CALN1: variants seen among roughly 807,000 people sequenced by gnomAD.
CALN1 encodes calneuron 1.
A neutral mutation model predicts 30.6 loss-of-function variants in CALN1; 17 were observed. The ratio of observed to expected loss-of-function variants is 0.56; its 90% CI spans 0.38 to 0.83. CALN1 has a LOEUF of 0.83. CALN1 is among the 40% of genes least tolerant of loss of function. CALN1 has a pLI of 0.00. For missense variants in CALN1, 291 were observed against 354.9 expected, an observed-to-expected ratio of 0.82 and a Z score of 1.45; for synonymous variants, 156 against 131.4, an observed-to-expected ratio of 1.19 and a Z score of -1.28.
intron 5 of CALN1, among the ~76,000 whole-genome samples, chr7:71,827,780 AAAT>A (rs761842233): frequency 5.5e-3 from 491 of 88,526 alleles, no homozygotes; most frequent in Middle Eastern, 0.015. Flanking sequence ...TTAAAAAAAT[AAAT>A]AAATAAATAA....
intron 5 of CALN1, among the ~76,000 whole-genome samples, chr7:71,883,746 C>G (rs930013858): frequency 3.9e-5 from 6 of 152,142 alleles, no homozygotes; most frequent in Non-Finnish European, 7.3e-5. Flanking sequence ...TTACCTTACC[C>G]ATCCCTTCTG....
intron 5 of CALN1, among the ~76,000 whole-genome samples, chr7:71,848,535 T>C (rs1031589153): frequency 2.6e-5 from 4 of 152,190 alleles, no homozygotes; most frequent in African/African-American, 9.6e-5. Flanking sequence ...GAGGGATACT[T>C]TGTAAACATA....
At chr7:72,292,198 CAACA>C (rs749209998) in intron 2 of CALN1, among the ~76,000 whole-genome samples, 5 of 151,848 alleles carry the variant, frequency 3.3e-5, no homozygotes, top group Non-Finnish European at 5.9e-5. Context: ...GTGGCTTAAA[CAACA>C]AACATTTATT....
intron 5 of CALN1, among the ~76,000 whole-genome samples, chr7:71,977,045 G>A (rs1798135146): frequency 6.6e-6 from 1 of 152,122 alleles, no homozygotes; most frequent in Non-Finnish European, 1.5e-5. Flanking sequence ...AGACGAATTT[G>A]ATCTTGACAC....
intron 5 of CALN1, among the ~76,000 whole-genome samples, chr7:71,957,043 G>A (rs564700465): frequency 1.4e-4 from 22 of 151,882 alleles, no homozygotes; most frequent in African/African-American, 4.8e-4. Flanking sequence ...CTCCCTTCAC[G>A]GGAGCTTTAT....
chr7:72,194,415 A>G (rs1215587073), intron 3 of CALN1, among the ~76,000 whole-genome samples: 2 of 152,036 alleles, frequency 1.3e-5, no homozygotes, highest in Non-Finnish European at 2.9e-5. Context: ...GTGTAATCCC[A>G]GCTACTCGGG....
intron 2 of CALN1, among the ~76,000 whole-genome samples, chr7:72,319,720 A>T (rs1385292771): frequency 6.6e-6 from 1 of 152,224 alleles, no homozygotes; most frequent in African/African-American, 2.4e-5. Flanking sequence ...AATTTTTAAA[A>T]GAACAGAGGT....
intron 5 of CALN1, among the ~76,000 whole-genome samples, chr7:71,898,911 G>A (rs1426969019): frequency 6.6e-6 from 1 of 152,082 alleles, no homozygotes; most frequent in Admixed American, 6.5e-5. Context: ...ATTTATTCCA[G>A]AAATAAGGGG....
chr7:72,279,271 T>C (rs1678553401), intron 2 of CALN1, among the ~76,000 whole-genome samples: 1 of 152,186 alleles, frequency 6.6e-6, no homozygotes, highest in East Asian at 1.9e-4. Context: ...TTCTCCCAGA[T>C]AATATAGGCA....
At chr7:71,794,179 G>A (rs1198045480) in intron 6 of CALN1, among the ~76,000 whole-genome samples, 1 of 152,168 alleles carries the variant, frequency 6.6e-6, no homozygotes. Context: ...AAATGGCAGA[G>A]GTGGGATTTG....
chr7:72,115,620 C>A (rs574208609), intron 3 of CALN1, among the ~76,000 whole-genome samples: 1 of 149,910 alleles, frequency 6.7e-6, no homozygotes, highest in Non-Finnish European at 1.5e-5. Context: ...TCCTAAGTAG[C>A]TGGGATCACA....
chr7:71,992,271 C>T (rs1798994562), intron 5 of CALN1, among the ~76,000 whole-genome samples: 1 of 152,224 alleles, frequency 6.6e-6, no homozygotes, highest in Non-Finnish European at 1.5e-5. Flanking sequence ...TGCTGCAGCT[C>T]ATAAACTAGC....
chr7:71,947,064 G>A (rs1468986334), intron 5 of CALN1, among the ~76,000 whole-genome samples: 1 of 152,140 alleles, frequency 6.6e-6, no homozygotes, highest in African/African-American at 2.4e-5. Flanking sequence ...AGGCTGGAGT[G>A]AAGTGGCGTG....
chr7:72,130,291 G>C (rs1809046620), intron 3 of CALN1, among the ~76,000 whole-genome samples: 1 of 152,206 alleles, frequency 6.6e-6, no homozygotes, highest in African/African-American at 2.4e-5. Flanking sequence ...ACTAAGAGCT[G>C]TTAAAAGAGT....
chr7:72,446,220 G>T (rs986862695), intron 1 of CALN1, among the ~76,000 whole-genome samples: 3 of 152,194 alleles, frequency 2.0e-5, no homozygotes, highest in African/African-American at 7.2e-5. Context: ...TCACCCAGAA[G>T]TCACCCCGTG....
the CALN1 span, among the ~76,000 whole-genome samples, chr7:72,494,987 A>G: frequency 1.2e-4 from 6 of 49,882 alleles, no homozygotes; most frequent in Admixed American, 3.8e-4. Context: ...GTAAGCTGCA[A>G]CGCCTGCATG....
At chr7:72,234,912 C>G (rs927310424) in intron 3 of CALN1, among the ~76,000 whole-genome samples, 1 of 152,242 alleles carries the variant, frequency 6.6e-6, no homozygotes, top group African/African-American at 2.4e-5. Context: ...CTTCTAGTTG[C>G]TATTGCTATA....
At chr7:72,182,882 C>T (rs1585110984) in intron 3 of CALN1, among the ~76,000 whole-genome samples, 2 of 152,078 alleles carry the variant, frequency 1.3e-5, no homozygotes, top group East Asian at 1.9e-4. Flanking sequence ...TTTGTGTGGC[C>T]GGAAGACAGA....
intron 5 of CALN1, among the ~76,000 whole-genome samples, chr7:71,824,571 G>A (rs1000283243): frequency 3.3e-5 from 5 of 152,026 alleles, no homozygotes; most frequent in Admixed American, 2.0e-4. Context: ...GACTCATACT[G>A]GGACCTGCAC....
Sources: gnomAD v4.1 joint callset for allele counts (sites outside exome capture counted in the v4.1 genomes callset) on GRCh38, gnomAD v4.1.1 for gene constraint, MANE v1.5 for transcripts, NCBI Gene and HGNC (gene_info 2026-07-23, HGNC 2026-07-21) for gene names.